Variants in ZNF578 observed in about 807,000 individuals in gnomAD.
ZNF578 encodes Putative chemokine-related protein B42.
In ZNF578, 8 loss-of-function variants were observed where a neutral mutation model predicts 8.3. That is an observed-to-expected ratio of 0.96 (90% CI 0.56 to 1.74). The LOEUF is 1.74. Among genes scored for constraint, ZNF578 ranks in the 40% most tolerant of loss-of-function variants. ZNF578 has a pLI of 0.00. For synonymous variants in ZNF578, 206 were observed against 232.2 expected (o/e 0.89, Z 1.03); for missense variants, 726 against 707.5 (o/e 1.03, Z -0.30).
intron 5 of ZNF578, 99 bp downstream of exon 5, chr19:52,504,880 T>TC: frequency 1.3e-6 from 2 of 1,535,122 alleles, no homozygotes; most frequent in Non-Finnish European, 1.7e-6. Context: ...CCATACGTGG[T>TC]TTTTTTGTTT....
intron 2 of ZNF578, among the ~76,000 whole-genome samples, chr19:52,484,829 C>T (rs1599896716): frequency 6.6e-6 from 1 of 151,122 alleles, no homozygotes; most frequent in Non-Finnish European, 1.5e-5. Flanking sequence ...TCCTATAAAA[C>T]GGCCCCACCC....
chr19:52,503,406 C>T (rs540471215), intron 4 of ZNF578, among the ~76,000 whole-genome samples: 3 of 152,238 alleles, frequency 2.0e-5, no homozygotes, highest in South Asian at 2.1e-4. Flanking sequence ...ATTGCAGTGG[C>T]GGGATCTCAG....
At chr19:52,454,446 A>G (rs1223575457) in intron 1 of ZNF578, 1 of 152,218 alleles carries the variant, frequency 6.6e-6, no homozygotes, top group Non-Finnish European at 1.5e-5. Context: ...TGTCGGTTAC[A>G]AGTCCCAGAT....
At chr19:52,475,999 T>C (rs1341409762) in intron 2 of ZNF578, among the ~76,000 whole-genome samples, 4 of 152,158 alleles carry the variant, frequency 2.6e-5, no homozygotes, top group Non-Finnish European at 5.9e-5. Context: ...CTGTTAAGTA[T>C]GCCTTGAGGT....
chr19:52,504,638 T>C lies in ZNF578; in HGVS notation c.64-17T>C, dbSNP rs1282277047. 1.9e-6 allele frequency: 3 copies of C among 1,613,662 alleles called. No homozygotes were observed. The highest frequency in any genetic ancestry group is 2.2e-5 in the South Asian group (2 of 90,968). The stretch of plus-strand genomic sequence containing the variant: ...AATCCTCCATAATGTTTTGTTGAAA[T>C]GTGTGTTTCATTTTAGGGACGCTTG... On this transcript the variant is annotated splice_polypyrimidine_tract_variant and intron_variant, in intron 4 of 5. Transcript: ENST00000421239.
chr19:52,476,638 C>G (rs1344174767), intron 2 of ZNF578, among the ~76,000 whole-genome samples: 1 of 152,216 alleles, frequency 6.6e-6, no homozygotes. Context: ...CCGTAAGTCT[C>G]AGCCCCATAA....
chr19:52,469,157 G>GTTT lies in ZNF578; in HGVS notation c.-122+12206_-122+12208dup, dbSNP rs1325423361. Among the ~76,000 whole-genome samples, 258 of 32,844 alleles carry GTTT rather than the reference G, an allele frequency of 7.9e-3. 2 individuals carry two copies. The highest frequency in any genetic ancestry group is 0.024 in the Non-Finnish European group (200 of 8,286). 21.5% of individuals were successfully genotyped at this position (32,844 alleles called of 152,430 possible). ...AATACAGACTTTGGTACCTGGAGTG[G>GTTT]TTTTTTTTTGTTTTTTTTTTTTTGA... On this transcript the variant is annotated intron_variant, in intron 2 of 5. Transcript: ENST00000421239.
rs114065835 is a variant in ZNF578, at chr19:52,459,183, A to G, written c.-122+2225A>G. 8.2e-3 allele frequency among the ~76,000 whole-genome samples: 1,251 copies of G among 152,292 alleles called. 22 individuals carry two copies. Among genetic ancestry groups the G allele is most frequent in the African/African-American group, 0.029 (1,194 of 41,556 alleles). On this transcript the variant is annotated intron_variant, in intron 2 of 5. Transcript: ENST00000421239. ...CAGTAATGTTAAGTATGTTCACGTTACTGTGCAACATATCTAGAAGTTTTT... is the reference window on the plus strand; with the variant it reads ...CAGTAATGTTAAGTATGTTCACGTTGCTGTGCAACATATCTAGAAGTTTTT...
intron 2 of ZNF578, among the ~76,000 whole-genome samples, chr19:52,465,045 C>A (rs1192645053): frequency 6.6e-6 from 1 of 152,176 alleles, no homozygotes; most frequent in Non-Finnish European, 1.5e-5. Flanking sequence ...GTCTTAATTA[C>A]AAATATTGGG....
intron 4 of ZNF578, among the ~76,000 whole-genome samples, chr19:52,503,163 T>C (rs2059413384): frequency 6.6e-6 from 1 of 152,206 alleles, no homozygotes; most frequent in Non-Finnish European, 1.5e-5. Context: ...GTGCTGGGAT[T>C]AAAGGTGTGC....
intron 2 of ZNF578, among the ~76,000 whole-genome samples, chr19:52,468,912 C>G (rs1490426424): frequency 6.6e-6 from 1 of 152,110 alleles, no homozygotes; most frequent in Non-Finnish European, 1.5e-5. Flanking sequence ...TGGGATATCT[C>G]GAGCCTTTGG....
intron 2 of ZNF578, among the ~76,000 whole-genome samples, chr19:52,489,842 G>T (rs2059359237): frequency 6.6e-6 from 1 of 151,898 alleles, no homozygotes; most frequent in African/African-American, 2.4e-5. Flanking sequence ...ACTTTTAGTA[G>T]AGATGGGGTT....
At chr19:52,465,217 G>T (rs191227665) in intron 2 of ZNF578, among the ~76,000 whole-genome samples, 4 of 152,056 alleles carry the variant, frequency 2.6e-5, no homozygotes, top group Non-Finnish European at 4.4e-5. Context: ...AATGAACTGC[G>T]GGGCAGGTAA....
intron 4 of ZNF578, among the ~76,000 whole-genome samples, chr19:52,502,226 G>A (rs12982862): frequency 0.28 from 41,987 of 152,082 alleles, 6,221 homozygotes; most frequent in East Asian, 0.48. Flanking sequence ...GGGCAGCCTG[G>A]ATTGTTCAGG....
rs766704404 is a variant in ZNF578, at chr19:52,511,487, A to G, written c.1106A>G (p.Lys369Arg). ...RCHRRLHTGI[K>R]PYKCNECGKM... is the part of the protein sequence containing the mutation. ...CATCGTAGACTTCATACTGGAATAA[A>G]ACCTTACAAGTGTAATGAGTGTGGC... The change falls in exon 6 of 6, where the codon AAA becomes AGA. Residue 369 changes from lysine (K) to arginine (R), a missense_variant. Transcript: ENST00000421239. 39 of 1,613,944 alleles carry G rather than the reference A, an allele frequency of 2.4e-5. No individual in the cohort carries two copies. In the Admixed American group the frequency reaches 6.2e-4, roughly 26 times the overall value.
At chr19:52,505,240 A>G (rs1377526101) in intron 5 of ZNF578, among the ~76,000 whole-genome samples, 5 of 151,698 alleles carry the variant, frequency 3.3e-5, no homozygotes, top group Admixed American at 6.6e-5. Flanking sequence ...CACTGTGACA[A>G]TGTTCATCCC....
At chr19:52,492,264 G>A (rs2059368249) in intron 3 of ZNF578, among the ~76,000 whole-genome samples, 1 of 151,402 alleles carries the variant, frequency 6.6e-6, no homozygotes, top group South Asian at 2.1e-4. Flanking sequence ...TGGACCCCCA[G>A]GTTCAGCGAT....
chr19:52,516,841 C>G lies in ZNF578; in HGVS notation c.*4687C>G, dbSNP rs564298181. 9.2e-5 allele frequency among the ~76,000 whole-genome samples: 14 copies of G among 152,314 alleles called. No individual in the cohort carries two copies. The highest frequency in any genetic ancestry group is 1.2e-4 in the African/African-American group (5 of 41,564). On this transcript the variant is annotated 3_prime_UTR_variant, in exon 6 of 6. Transcript: ENST00000421239. ...TGACTCTCTTTTCACACTCAGCCCG[C>G]CTGCACCCAGGTGAAATAAACAGCC...
intron 3 of ZNF578, among the ~76,000 whole-genome samples, chr19:52,492,157 C>CAAAATA (rs2059367546): frequency 1.5e-5 from 1 of 67,638 alleles, no homozygotes; most frequent in African/African-American, 5.1e-5. Flanking sequence ...GATTCTGTCT[C>CAAAATA]AAAAAAAAAA....
Sources: gnomAD v4.1 joint callset for allele counts (sites outside exome capture counted in the v4.1 genomes callset) on GRCh38, gnomAD v4.1.1 for gene constraint, MANE v1.5 for transcripts, NCBI Gene and HGNC (gene_info 2026-07-23, HGNC 2026-07-21) for gene names.